Variants in INPP5A observed in about 807,000 individuals in gnomAD.
INPP5A encodes 43 kDa inositol polyphosphate 5-phophatase.
A neutral mutation model predicts 65.2 loss-of-function variants in INPP5A; 14 were observed. The ratio of observed to expected loss-of-function variants is 0.21; its 90% CI spans 0.14 to 0.34. INPP5A has a LOEUF of 0.34. Among genes scored for constraint, INPP5A ranks in the 10% least tolerant of loss-of-function variants. The probability of loss-of-function intolerance (pLI) is 1.00; values close to 1 mark genes in which losing one functional copy is unlikely to be tolerated. For synonymous variants in INPP5A, 207 were observed against 208.3 expected, an observed-to-expected ratio of 0.99 and a Z score of 0.05; for missense variants, 431 against 545.6, an observed-to-expected ratio of 0.79 and a Z score of 2.09.
intron 9 of INPP5A, 27 bp from the exon 10 acceptor site, chr10:132,749,490 C>T: frequency 6.2e-7 from 1 of 1,609,036 alleles, no homozygotes; most frequent in South Asian, 1.1e-5. Context: ...CCCCCTGGGA[C>T]TTATCTCCGT....
chr10:132,659,951 G>A lies in INPP5A; in HGVS notation c.306+9446G>A, dbSNP rs1397293275. On this transcript the variant is annotated intron_variant, in intron 4 of 15. Coordinates refer to ENST00000368594, the MANE Select transcript of INPP5A (RefSeq NM_005539.5). The surrounding 1 kb of genome is among the most constrained non-coding windows in gnomAD (Gnocchi z 5.5). ...TGTGACATACAACACATGACACGCGGCATACTCCCTGTGACATGGCACATG... is the reference window on the plus strand; with the variant it reads ...TGTGACATACAACACATGACACGCGACATACTCCCTGTGACATGGCACATG... Among the ~76,000 whole-genome samples the A allele has an allele frequency of 6.6e-6, 1 of 152,226 alleles. No individual in the cohort carries two copies. The highest frequency in any genetic ancestry group is 2.4e-5 in the African/African-American group (1 of 41,458).
chr10:132,700,683 G>T (rs555926888), intron 6 of INPP5A, among the ~76,000 whole-genome samples: 3 of 152,166 alleles, frequency 2.0e-5, no homozygotes, highest in Non-Finnish European at 4.4e-5. Flanking sequence ...CCGACCTCTC[G>T]CTGTGTTTGA....
rs759671026 is a variant in INPP5A at position 132,545,871 on chromosome 10, C to T, written c.75+7700C>T. 6.6e-6 allele frequency among the ~76,000 whole-genome samples: 1 copy of T among 152,180 alleles called. No individual in the cohort carries two copies. The highest frequency in any genetic ancestry group is 2.1e-4 in the South Asian group (1 of 4,832). ...GCTCCAGGCCGGCTTTCAGGAAGGC[C>T]GACTGCCTCAATCGTGGTTGCTGCC... is the stretch of plus-strand genomic sequence containing the variant. On this transcript the variant is annotated intron_variant, in intron 1 of 15. Coordinates refer to ENST00000368594, the MANE Select transcript of INPP5A (RefSeq NM_005539.5). The surrounding 1 kb of genome is among the most constrained non-coding windows in gnomAD (Gnocchi z 4.6).
rs556160793 is a variant in INPP5A, at chr10:132,741,633, G to A, written c.733-7884G>A. Among the ~76,000 whole-genome samples the A allele has an allele frequency of 6.6e-5, 10 of 152,318 alleles. No homozygotes were observed. The South Asian group carries it at 2.1e-3, about 32-fold the overall frequency. On this transcript the variant is annotated intron_variant, in intron 9 of 15. Coordinates refer to ENST00000368594, the MANE Select transcript of INPP5A (RefSeq NM_005539.5). The surrounding 1 kb of genome is among the most constrained non-coding windows in gnomAD (Gnocchi z 4.4). Reference sequence around the variant, plus strand: ...CCCGGCCCTCGTCACACCCAGAACAGGATACCCCGGAATGAAGGTGGACGT... The same window carrying A: ...CCCGGCCCTCGTCACACCCAGAACAAGATACCCCGGAATGAAGGTGGACGT...
intron 8 of INPP5A, among the ~76,000 whole-genome samples, chr10:132,725,887 CT>C (rs976961947): frequency 6.6e-6 from 1 of 152,064 alleles, no homozygotes; most frequent in Non-Finnish European, 1.5e-5. Flanking sequence ...CTTTTTTTGT[CT>C]ACAGATCACA....
At chr10:132,604,878 C>A (rs1013933789) in intron 1 of INPP5A, among the ~76,000 whole-genome samples, 4 of 152,146 alleles carry the variant, frequency 2.6e-5, no homozygotes, top group African/African-American at 9.7e-5. Context: ...GGCCCTGGGG[C>A]CAGAGGACCA....
chr10:132,544,477 G>A (rs925340768), intron 1 of INPP5A, among the ~76,000 whole-genome samples: 1 of 152,000 alleles, frequency 6.6e-6, no homozygotes, highest in African/African-American at 2.4e-5. Context: ...CCAAGATCTC[G>A]GTGCACTTTC....
In INPP5A at chr10:132,558,377, G is replaced by T. The variant is rs537770641; in HGVS notation, c.75+20206G>T. ...TCATGGTTAATCCCACATGATCCTC[G>T]CCTGACATCCAGTCCCCCTCCTCAG... On this transcript the variant is annotated intron_variant, in intron 1 of 15. Coordinates refer to ENST00000368594, the MANE Select transcript of INPP5A (RefSeq NM_005539.5). Among the ~76,000 whole-genome samples the T allele has an allele frequency of 4.4e-4, 67 of 152,304 alleles. 2 individuals are homozygous for T. In the East Asian group the frequency reaches 0.013, roughly 29 times the overall value.
chr10:132,640,399 C>T lies in INPP5A; in HGVS notation c.118-5469C>T, dbSNP rs143427806. Among the ~76,000 whole-genome samples, 253 of 152,364 alleles carry T rather than the reference C, an allele frequency of 1.7e-3. 7 individuals carry two copies. In the East Asian group the frequency reaches 0.046, roughly 28 times the overall value. On this transcript the variant is annotated intron_variant, in intron 2 of 15. Coordinates refer to ENST00000368594, the MANE Select transcript of INPP5A (RefSeq NM_005539.5). ...TCTTCCCTCCAGGGTTGCCCCACAC[C>T]GTCCGGCTAGCCTGGGTTTCTTTCT...
intron 8 of INPP5A, among the ~76,000 whole-genome samples, chr10:132,712,991 C>G (rs1845673725): frequency 7.1e-6 from 1 of 140,122 alleles, no homozygotes; most frequent in African/African-American, 2.7e-5. Context: ...TGCATGTGTG[C>G]TAAGGTGTAT....
intron 2 of INPP5A, among the ~76,000 whole-genome samples, chr10:132,612,236 G>C (rs1318077179): frequency 4.7e-5 from 7 of 150,456 alleles, no homozygotes; most frequent in Admixed American, 2.0e-4. Context: ...GGCCCTGTCG[G>C]GAGGGTGTGG....
At chr10:132,594,513 G>A (rs561263754) in intron 1 of INPP5A, among the ~76,000 whole-genome samples, 5 of 151,788 alleles carry the variant, frequency 3.3e-5, no homozygotes, top group East Asian at 1.9e-4. Flanking sequence ...TGTGGGGTGC[G>A]TTTGCATGCC....
chr10:132,566,791 A>G (rs986213382), intron 1 of INPP5A, among the ~76,000 whole-genome samples: 1 of 152,236 alleles, frequency 6.6e-6, no homozygotes, highest in Non-Finnish European at 1.5e-5. Flanking sequence ...CCATGTAACC[A>G]CAGTTGTGTA....
intron 1 of INPP5A, among the ~76,000 whole-genome samples, chr10:132,581,597 G>T (rs541521276): frequency 6.6e-6 from 1 of 152,126 alleles, no homozygotes; most frequent in African/African-American, 2.4e-5. Context: ...GTGTGCAGTG[G>T]GACCTCACTG....
intron 1 of INPP5A, among the ~76,000 whole-genome samples, chr10:132,578,693 G>A (rs554087676): frequency 2.3e-5 from 3 of 129,330 alleles, no homozygotes; most frequent in East Asian, 2.7e-4. Flanking sequence ...GGCTGGGTCC[G>A]AGCTCCAGGA....
intron 6 of INPP5A, among the ~76,000 whole-genome samples, chr10:132,701,986 C>T (rs75265761): frequency 0.015 from 2,262 of 152,330 alleles, 34 homozygotes; most frequent in South Asian, 0.039. Flanking sequence ...TCTGTGAGGA[C>T]TCTCCCTGCA....
intron 1 of INPP5A, among the ~76,000 whole-genome samples, chr10:132,588,567 G>C (rs946355482): frequency 6.6e-6 from 1 of 152,268 alleles, no homozygotes; most frequent in Admixed American, 6.5e-5. Context: ...AGGATTTCCT[G>C]AGGAATCAGC....
chr10:132,657,163 C>T (rs1201486985), intron 4 of INPP5A, among the ~76,000 whole-genome samples: 2 of 152,190 alleles, frequency 1.3e-5, no homozygotes, highest in Non-Finnish European at 2.9e-5. Context: ...CTCTTGGGCT[C>T]GGAGCAGAAC....
intron 9 of INPP5A, among the ~76,000 whole-genome samples, chr10:132,742,535 A>G (rs946146913): frequency 6.6e-6 from 1 of 152,216 alleles, no homozygotes; most frequent in Admixed American, 6.5e-5. Flanking sequence ...GGTTGTATCT[A>G]GTCCGGCGCC....
Sources: allele counts gnomAD v4.1 joint callset (sites outside exome capture counted in the v4.1 genomes callset), GRCh38; gene constraint gnomAD v4.1.1; non-coding constraint Gnocchi (gnomAD v3.1); transcripts MANE v1.5; gene names NCBI Gene and HGNC (gene_info 2026-07-23, HGNC 2026-07-21).